PLPP4: variants seen among roughly 807,000 people sequenced by gnomAD.
The protein encoded by PLPP4 is phospholipid phosphatase 4.
Under a neutral mutation model 32.2 loss-of-function variants are expected in PLPP4, and 20 were observed. The observed-to-expected ratio is 0.62, with a 90% CI of 0.44 to 0.90. The LOEUF (loss-of-function observed/expected upper bound fraction) is 0.90. Ranked by LOEUF, PLPP4 falls within the 40% of genes least tolerant of loss-of-function variation. The pLI is 0.00. For synonymous variants in PLPP4, 127 were observed against 133.0 expected (o/e 0.95, Z 0.31); for missense variants, 257 against 353.1 (o/e 0.73, Z 2.18).
chr10:120,544,688 G>T (rs779042838), intron 5 of PLPP4, among the ~76,000 whole-genome samples: 1 of 152,206 alleles, frequency 6.6e-6, no homozygotes, highest in Non-Finnish European at 1.5e-5. Context: ...CATCTCTTTG[G>T]GCCCAGCCCA....
chr10:120,508,113 T>G (rs573081087), intron 2 of PLPP4, among the ~76,000 whole-genome samples: 109 of 152,334 alleles, frequency 7.2e-4, no homozygotes, highest in African/African-American at 2.4e-3. Context: ...GATACTGTGT[T>G]GATTTGATAC....
chr10:120,584,842 T>C (rs1849677755), intron 6 of PLPP4, among the ~76,000 whole-genome samples: 1 of 150,468 alleles, frequency 6.6e-6, no homozygotes, highest in Non-Finnish European at 1.5e-5. Context: ...TTACTTCTCA[T>C]AGACTCCCAT....
chr10:120,518,354 G>A (rs541168265), intron 3 of PLPP4, among the ~76,000 whole-genome samples: 1 of 152,174 alleles, frequency 6.6e-6, no homozygotes, highest in Non-Finnish European at 1.5e-5. Context: ...GCTGTCGGCC[G>A]GTGATGGGTC....
chr10:120,561,846 T>G (rs1848451128), intron 5 of PLPP4, among the ~76,000 whole-genome samples: 1 of 152,224 alleles, frequency 6.6e-6, no homozygotes, highest in Non-Finnish European at 1.5e-5. Flanking sequence ...GCTACTCCCA[T>G]GACCACACCT....
At chr10:120,459,934 A>G (rs1847965703) in intron 1 of PLPP4, among the ~76,000 whole-genome samples, 4 of 152,090 alleles carry the variant, frequency 2.6e-5, no homozygotes, top group Non-Finnish European at 2.9e-5. Flanking sequence ...GCTTTTCCTT[A>G]CTGACTCTTA....
intron 5 of PLPP4, among the ~76,000 whole-genome samples, chr10:120,521,924 T>G (rs1189447265): frequency 6.6e-6 from 1 of 152,240 alleles, no homozygotes; most frequent in Non-Finnish European, 1.5e-5. Context: ...GATTATTGAT[T>G]ATCAGAGCTG....
intron 1 of PLPP4, among the ~76,000 whole-genome samples, chr10:120,501,147 C>G (rs932351939): frequency 6.6e-6 from 1 of 152,160 alleles, no homozygotes; most frequent in African/African-American, 2.4e-5. Context: ...AGGCGATGAG[C>G]CCCTCTCAAT....
intron 5 of PLPP4, among the ~76,000 whole-genome samples, chr10:120,556,577 G>A (rs890865981): frequency 8.5e-5 from 13 of 152,296 alleles, no homozygotes; most frequent in Admixed American, 2.0e-4. Context: ...TAAACTAAGC[G>A]TAGAGGCTTT....
At chr10:120,480,263 T>C (rs1844134816) in intron 1 of PLPP4, among the ~76,000 whole-genome samples, 1 of 152,214 alleles carries the variant, frequency 6.6e-6, no homozygotes, top group Non-Finnish European at 1.5e-5. Context: ...GAACATCTTC[T>C]GACTAATCCA....
chr10:120,575,348 T>A (rs1159380510), intron 6 of PLPP4, 47 bp downstream of exon 6: 1 of 1,581,052 alleles, frequency 6.3e-7, no homozygotes, highest in Admixed American at 1.7e-5. Context: ...TGGTTGCCCC[T>A]CTCCTCCAGG....
rs193103262 is a variant in PLPP4, at chr10:120,585,155, A to C, written c.617-4148A>C. 2.4e-3 allele frequency among the ~76,000 whole-genome samples: 370 copies of C among 152,348 alleles called. 2 individuals carry two copies. Among genetic ancestry groups the C allele is most frequent in the African/African-American group, 7.9e-3 (330 of 41,588 alleles). On this transcript the variant is annotated intron_variant, in intron 6 of 6. Transcript: ENST00000398250. ...GACTGTTTCCTGGGGTTAGAGGAAA[A>C]ACAAAACAATAGTGCAACTCTAAGA...
At chr10:120,563,790 G>A (rs548791159) in intron 5 of PLPP4, among the ~76,000 whole-genome samples, 1 of 95,492 alleles carries the variant, frequency 1.0e-5, no homozygotes, top group Non-Finnish European at 2.0e-5. Flanking sequence ...CTGGGCGACA[G>A]AGCGAGACTC....
intron 5 of PLPP4, among the ~76,000 whole-genome samples, chr10:120,541,028 C>T (rs369258159): frequency 1.1e-4 from 16 of 152,264 alleles, no homozygotes; most frequent in African/African-American, 3.1e-4. Context: ...TCTGTATATT[C>T]GTAACCAGAT....
At chr10:120,538,634 G>A (rs1375011328) in intron 5 of PLPP4, among the ~76,000 whole-genome samples, 4 of 152,106 alleles carry the variant, frequency 2.6e-5, no homozygotes, top group Non-Finnish European at 4.4e-5. Flanking sequence ...GCCCTTCCAG[G>A]ATCTGGCTCC....
chr10:120,590,682 A>G lies in PLPP4; in HGVS notation c.*1180A>G, dbSNP rs556978194. ...AGGCAAGGAGCATCCCCTTCATCCA[A>G]TTCTGATTGGATGTACCATGTGGTT... On this transcript the variant is annotated 3_prime_UTR_variant, in exon 7 of 7. Coordinates refer to ENST00000398250, the MANE Select transcript of PLPP4 (RefSeq NM_001030059.3). Among the ~76,000 whole-genome samples the G allele has an allele frequency of 3.1e-4, 47 of 151,514 alleles. No individual in the cohort carries two copies. The highest frequency in any genetic ancestry group is 5.2e-4 in the Admixed American group (8 of 15,240).
chr10:120,487,632 T>C (rs1012077205), intron 1 of PLPP4, among the ~76,000 whole-genome samples: 4 of 152,160 alleles, frequency 2.6e-5, no homozygotes, highest in African/African-American at 7.2e-5. Context: ...AATGAAATAA[T>C]GTATGTTAAG....
intron 5 of PLPP4, among the ~76,000 whole-genome samples, chr10:120,523,457 A>G (rs1447590920): frequency 6.6e-6 from 1 of 152,036 alleles, no homozygotes; most frequent in East Asian, 1.9e-4. Flanking sequence ...GAGGCCTTGT[A>G]GTTACCAGCT....
rs201796629 is a variant in PLPP4 at position 120,553,505 on chromosome 10, G to A, written c.446-21626G>A. Among the ~76,000 whole-genome samples the A allele has an allele frequency of 4.6e-5, 7 of 152,314 alleles. No individual in the cohort carries two copies. The South Asian group carries it at 8.3e-4, about 18-fold the overall frequency. The stretch of plus-strand genomic sequence containing the variant: ...TGGACTTCCAAGCCTCCAGAACTGG[G>A]AGAAATAAATTTTTGTTGTTTATAA... On this transcript the variant is annotated intron_variant, in intron 5 of 6. Transcript: ENST00000398250.
chr10:120,518,268 C>T (rs185313804), intron 3 of PLPP4, among the ~76,000 whole-genome samples: 3 of 152,260 alleles, frequency 2.0e-5, no homozygotes, highest in East Asian at 1.9e-4. Flanking sequence ...CCCGGGCAGA[C>T]CTTCTCCAAA....
Sources: allele counts gnomAD v4.1 joint callset (sites outside exome capture counted in the v4.1 genomes callset), GRCh38; gene constraint gnomAD v4.1.1; transcripts MANE v1.5; gene names NCBI Gene and HGNC (gene_info 2026-07-23, HGNC 2026-07-21).